The following CNNM1 variants were observed in gnomAD, a reference collection of about 807,000 sequenced individuals.
CNNM1 encodes metal transporter CNNM1.
Under a neutral mutation model 78.8 loss-of-function variants are expected in CNNM1, and 44 were observed. The ratio of observed to expected loss-of-function variants is 0.56; its 90% CI spans 0.44 to 0.72. The LOEUF (loss-of-function observed/expected upper bound fraction) is 0.72, where lower values mean the gene tolerates loss of function less well. Ranked by LOEUF, CNNM1 falls within the 30% of genes least tolerant of loss-of-function variation. CNNM1 has a pLI of 0.00. For missense variants in CNNM1, 1,101 were observed against 1,292.2 expected (o/e 0.85, Z 2.27); for synonymous variants, 584 against 581.5 (o/e 1.00, Z -0.06).
chr10:99,381,431 A>T (rs1385245484), intron 7 of CNNM1, among the ~76,000 whole-genome samples: 1 of 150,688 alleles, frequency 6.6e-6, no homozygotes, highest in Non-Finnish European at 1.5e-5. Context: ...AAAAAGGAAA[A>T]AAAAGAGTGT....
At chr10:99,353,912 T>G (rs2031036830) in intron 1 of CNNM1, among the ~76,000 whole-genome samples, 2 of 152,214 alleles carry the variant, frequency 1.3e-5, no homozygotes, top group Admixed American at 1.3e-4. Flanking sequence ...AACTGAACTT[T>G]CAAAGTGTAG....
chr10:99,378,142 T>G (rs1056397296), intron 7 of CNNM1, among the ~76,000 whole-genome samples: 9 of 152,130 alleles, frequency 5.9e-5, no homozygotes, highest in Non-Finnish European at 1.0e-4. Flanking sequence ...TTTTGTGTTT[T>G]TAGTAGAGAC....
intron 1 of CNNM1, among the ~76,000 whole-genome samples, chr10:99,335,302 A>G (rs58306557): frequency 0.041 from 6,235 of 152,302 alleles, 272 homozygotes; most frequent in East Asian, 0.16. Context: ...GCAAGTCTTT[A>G]GAAGTGGGGA....
chr10:99,355,507 C>T (rs2031110677), intron 1 of CNNM1, among the ~76,000 whole-genome samples: 1 of 152,186 alleles, frequency 6.6e-6, no homozygotes, highest in African/African-American at 2.4e-5. Flanking sequence ...ATCAGTACCC[C>T]AGATTTTCTC....
intron 1 of CNNM1, among the ~76,000 whole-genome samples, chr10:99,348,040 A>ATG (rs1252193367): frequency 1.5e-5 from 1 of 68,144 alleles, no homozygotes; most frequent in East Asian, 3.8e-4. Flanking sequence ...GTGTGTGTGT[A>ATG]TATATATATA....
chr10:99,381,634 C>T (rs1234248759), intron 7 of CNNM1, among the ~76,000 whole-genome samples: 5 of 150,870 alleles, frequency 3.3e-5, no homozygotes, highest in Admixed American at 1.3e-4. Flanking sequence ...CCCAGCTACT[C>T]GGGAGGCTGA....
Position 99,330,159 on chromosome 10 carries a change from C to T in CNNM1, c.772C>T (p.Arg258Trp). Reference sequence around the variant, plus strand: ...GGACCCGGTGGAGTTACGGGTGCTGCGGAACAGCGGCTCGGCCGCCGAGCA... The same window carrying T: ...GGACCCGGTGGAGTTACGGGTGCTGTGGAACAGCGGCTCGGCCGCCGAGCA... ...SLDPVELRVLRNSGSAAEQEQ... is the reference protein window; with the variant it reads ...SLDPVELRVLWNSGSAAEQEQ... Residue 258 changes from arginine to tryptophan, a missense_variant, in exon 1 of 11, where the codon CGG (arginine) becomes TGG (tryptophan). Around this residue, in one of 3 missense-constraint regions of CNNM1, gnomAD observed 476 missense variants for 484.5 expected, o/e 0.98. Coordinates refer to ENST00000356713, the MANE Select transcript of CNNM1 (RefSeq NM_020348.3). 1 of 1,533,766 alleles carries T rather than the reference C, an allele frequency of 6.5e-7. No individual in the cohort carries two copies. Among genetic ancestry groups the T allele is most frequent in the Non-Finnish European group, 8.7e-7 (1 of 1,146,152 alleles).
chr10:99,384,787 C>T (rs1225624802), intron 7 of CNNM1, among the ~76,000 whole-genome samples: 1 of 152,016 alleles, frequency 6.6e-6, no homozygotes, highest in African/African-American at 2.4e-5. Context: ...AAAAAGAGGC[C>T]GGGTGCAGTG....
At position 99,392,584 on chromosome 10, in the gene CNNM1, T is replaced by C. The variant is rs1275551219; in HGVS notation, c.*1068T>C. On this transcript the variant is annotated 3_prime_UTR_variant, in exon 11 of 11. Coordinates refer to ENST00000356713, the MANE Select transcript of CNNM1 (RefSeq NM_020348.3). ...GCTGAGTGTACTTTATTCCAAGAAC[T>C]TACTGGATCTCTGGTTTTTCTCCTG... 1 of 152,462 alleles carries C rather than the reference T, an allele frequency of 6.6e-6. No individual in the cohort carries two copies. Among genetic ancestry groups the C allele is most frequent in the Non-Finnish European group, 1.5e-5 (1 of 68,054 alleles). 9.4% of individuals were successfully genotyped at this position (152,462 alleles called of 1,614,324 possible).
At chr10:99,350,067 G>A (rs778386942) in intron 1 of CNNM1, among the ~76,000 whole-genome samples, 3 of 152,160 alleles carry the variant, frequency 2.0e-5, no homozygotes, top group South Asian at 2.1e-4. Context: ...TCCTGATTCC[G>A]TAGGGCAGGG....
At chr10:99,355,983 G>A (rs1286810641) in intron 1 of CNNM1, among the ~76,000 whole-genome samples, 1 of 152,092 alleles carries the variant, frequency 6.6e-6, no homozygotes, top group Non-Finnish European at 1.5e-5. Context: ...CACCTTATAG[G>A]TACTGATTGT....
In CNNM1 at chr10:99,351,717, C is replaced by T. The variant is rs1273315447; in HGVS notation, c.1574-5795C>T. 2.6e-5 allele frequency among the ~76,000 whole-genome samples: 4 copies of T among 152,114 alleles called. No homozygotes were observed. In the East Asian group the frequency reaches 5.8e-4, roughly 22 times the overall value. ...TGCCTTCTCCCCTATTTCTTGTCTC[C>T]CAGTGGCCTCACCTGTGGCAGACCG... On this transcript the variant is annotated intron_variant, in intron 1 of 10. Transcript: ENST00000356713.
intron 1 of CNNM1, among the ~76,000 whole-genome samples, chr10:99,356,538 AAGACAGACAGACAGAC>A (rs199900201): frequency 8.0e-5 from 7 of 87,650 alleles, no homozygotes; most frequent in African/African-American, 2.3e-4. Context: ...GAAAGAAAGA[AAGACAGACAGACAGAC>A]AGACAGACAG....
intron 3 of CNNM1, 78 bp downstream of exon 3, chr10:99,361,053 C>A (rs1433642039): frequency 7.1e-7 from 1 of 1,408,630 alleles, no homozygotes; most frequent in Non-Finnish European, 9.5e-7. Flanking sequence ...TTGTTAATAC[C>A]TTCCAGCCTG....
chr10:99,338,813 A>T (rs923404476), intron 1 of CNNM1, among the ~76,000 whole-genome samples: 1 of 152,242 alleles, frequency 6.6e-6, no homozygotes, highest in African/African-American at 2.4e-5. Flanking sequence ...TTGTCCTGCC[A>T]TCAAGCACAA....
chr10:99,352,013 T>C (rs914564808), intron 1 of CNNM1, among the ~76,000 whole-genome samples: 3 of 152,198 alleles, frequency 2.0e-5, no homozygotes, highest in African/African-American at 7.2e-5. Flanking sequence ...CTCATCCTTT[T>C]AAAGTGCACA....
intron 7 of CNNM1, among the ~76,000 whole-genome samples, chr10:99,386,168 G>T (rs1001220732): frequency 6.6e-6 from 1 of 152,240 alleles, no homozygotes; most frequent in African/African-American, 2.4e-5. Flanking sequence ...ATCGAAGCCA[G>T]TTGTTAACAC....
chr10:99,333,369 G>GA (rs1421541450), intron 1 of CNNM1, among the ~76,000 whole-genome samples: 1 of 152,184 alleles, frequency 6.6e-6, no homozygotes, highest in East Asian at 1.9e-4. Flanking sequence ...GTTTGAGACA[G>GA]AGTTTCACTC....
Position 99,391,799 on chromosome 10 carries a change from T to C in CNNM1, c.*283T>C. 1 of 327,968 alleles carries C rather than the reference T, an allele frequency of 3.0e-6. No individual in the cohort carries two copies. Among genetic ancestry groups the C allele is most frequent in the Non-Finnish European group, 5.6e-6 (1 of 177,692 alleles). The allele number at this position is 327,968 out of a possible 1,614,324, so 20.3% of individuals were successfully genotyped here. ...AGTCTGGGACTGGAAAAGAGATGTC[T>C]GACTGCAAGCTGACAATGCCACTCT... On this transcript the variant is annotated 3_prime_UTR_variant, in exon 11 of 11. Transcript: ENST00000356713.
Sources: gnomAD v4.1 joint callset for allele counts (sites outside exome capture counted in the v4.1 genomes callset) on GRCh38, gnomAD v4.1.1 for gene constraint, gnomAD v4.1.1 regional missense constraint, MANE v1.5 for transcripts, NCBI Gene and HGNC (gene_info 2026-07-23, HGNC 2026-07-21) for gene names.